Variants in KIF21A observed in about 807,000 individuals in gnomAD.
The protein encoded by KIF21A is kinesin-like protein KIF21A.
Under a neutral mutation model 202.9 loss-of-function variants are expected in KIF21A, and 114 were observed. The ratio of observed to expected loss-of-function variants is 0.56; its 90% CI spans 0.48 to 0.66. The LOEUF is 0.66. Among genes scored for constraint, KIF21A ranks in the 30% least tolerant of loss-of-function variants. The probability of loss-of-function intolerance (pLI) is 0.00; values close to 1 mark genes in which losing one functional copy is unlikely to be tolerated. For synonymous variants in KIF21A, 667 were observed against 670.8 expected (o/e 0.99, Z 0.09); for missense variants, 1,677 against 1,994.9 (o/e 0.84, Z 3.04).
chr12:39,415,429 A>C (rs1321837399), intron 1 of KIF21A, among the ~76,000 whole-genome samples: 1 of 151,594 alleles, frequency 6.6e-6, no homozygotes, highest in Non-Finnish European at 1.5e-5. Flanking sequence ...TTTAATAGAG[A>C]CGGGGTTTCA....
chr12:39,442,148 C>T lies in KIF21A; in HGVS notation c.44+779G>A, dbSNP rs1236355938. 6.6e-6 allele frequency among the ~76,000 whole-genome samples: 1 copy of T among 152,182 alleles called. No individual in the cohort carries two copies. The highest frequency in any genetic ancestry group is 1.5e-5 in the Non-Finnish European group (1 of 68,028). The stretch of plus-strand genomic sequence containing the variant: ...TGTACCTAGTATTTCCAGACTCACA[C>T]CCTGGCCTGGGTAACGTTACGATTA... On this transcript the variant is annotated intron_variant, in intron 1 of 37. Transcript: ENST00000361418. This position sits in a 1 kb window ranked among gnomAD's most constrained non-coding sequence, Gnocchi z 5.0.
chr12:39,432,709 C>T (rs1938120030), intron 1 of KIF21A, among the ~76,000 whole-genome samples: 2 of 151,946 alleles, frequency 1.3e-5, no homozygotes, highest in African/African-American at 2.4e-5. Flanking sequence ...CTCCCGAGTT[C>T]AAGTGATTCT....
chr12:39,326,839 G>T (rs574157298), intron 24 of KIF21A, among the ~76,000 whole-genome samples: 1 of 152,276 alleles, frequency 6.6e-6, no homozygotes, highest in African/African-American at 2.4e-5. Context: ...AGGTGTGCAT[G>T]AGGGTGTTCA....
intron 16 of KIF21A, among the ~76,000 whole-genome samples, chr12:39,339,570 T>C (rs932125203): frequency 6.6e-6 from 1 of 152,180 alleles, no homozygotes; most frequent in Admixed American, 6.5e-5. Flanking sequence ...ACTTCCATAT[T>C]TGCTATTTTA....
intron 1 of KIF21A, among the ~76,000 whole-genome samples, chr12:39,416,954 T>C (rs1039200732): frequency 6.6e-6 from 1 of 151,168 alleles, no homozygotes; most frequent in Non-Finnish European, 1.5e-5. Flanking sequence ...CCTTGAGGAT[T>C]CACTCTCTAA....
chr12:39,328,508 C>T (rs1224355139), intron 24 of KIF21A, among the ~76,000 whole-genome samples: 1 of 152,104 alleles, frequency 6.6e-6, no homozygotes, highest in African/African-American at 2.4e-5. Flanking sequence ...TATGCTAAGC[C>T]CTCTGAGTCT....
At chr12:39,346,394 A>G in intron 12 of KIF21A, 72 bp downstream of exon 12, 1 of 1,130,900 alleles carries the variant, frequency 8.8e-7, no homozygotes. Context: ...TAATACTATA[A>G]CACATTTCCT....
At chr12:39,425,956 G>C (rs1490950154) in intron 1 of KIF21A, among the ~76,000 whole-genome samples, 1 of 149,074 alleles carries the variant, frequency 6.7e-6, no homozygotes, top group Non-Finnish European at 1.5e-5. Context: ...AAAAAAAATG[G>C]AGCTGTCAAG....
Position 39,332,647 on chromosome 12 carries a change from T to C in KIF21A, c.2800A>G (p.Ile934Val), listed in dbSNP as rs751455734. Residue 934 changes from isoleucine to valine, a missense_variant, in exon 20 of 38, where the codon ATC (isoleucine) becomes GTC (valine). Ile to Val is a conservative substitution (Grantham distance 29). Transcript: ENST00000361418. ...TTGGAAATGGTCATCTTCTGCATGATGATGTCTGTGACCCTGCGCTCAAGG... is the reference window on the plus strand; with the variant it reads ...TTGGAAATGGTCATCTTCTGCATGACGATGTCTGTGACCCTGCGCTCAAGG... ...QLLERRVTDI[I>V]MQKMTISNME... is the part of the protein sequence containing the mutation. 2 of 1,613,970 alleles carry C rather than the reference T, an allele frequency of 1.2e-6. No individual in the cohort carries two copies. The highest frequency in any genetic ancestry group is 1.7e-6 in the Non-Finnish European group (2 of 1,179,864).
chr12:39,324,620 C>T (rs1945661964), intron 26 of KIF21A, among the ~76,000 whole-genome samples: 1 of 152,100 alleles, frequency 6.6e-6, no homozygotes, highest in Non-Finnish European at 1.5e-5. Flanking sequence ...TGTAAAAATC[C>T]GTATTTAAGA....
At position 39,310,631 on chromosome 12, in the gene KIF21A, G is replaced by A. The variant is rs964438254; in HGVS notation, c.4096+786C>T. Among the ~76,000 whole-genome samples, 5 of 151,958 alleles carry A rather than the reference G, an allele frequency of 3.3e-5. No individual in the cohort carries two copies. The East Asian group carries it at 9.6e-4, about 29-fold the overall frequency. On this transcript the variant is annotated intron_variant, in intron 32 of 37. Coordinates refer to ENST00000361418, the MANE Select transcript of KIF21A (RefSeq NM_001173464.2). ...CTTTTATCTTCATGTCTCTGCTTATGTTATTCTGTAATCTTGATTATTCAT... is the reference window on the plus strand; with the variant it reads ...CTTTTATCTTCATGTCTCTGCTTATATTATTCTGTAATCTTGATTATTCAT...
At chr12:39,320,797 T>C (rs1163960414) in intron 27 of KIF21A, among the ~76,000 whole-genome samples, 1 of 151,480 alleles carries the variant, frequency 6.6e-6, no homozygotes, top group Non-Finnish European at 1.5e-5. Context: ...TAGCTGAGTG[T>C]GGTGGCGGGC....
chr12:39,340,116 A>G (rs932294214), intron 16 of KIF21A, 49 bp downstream of exon 16: 1 of 1,450,526 alleles, frequency 6.9e-7, no homozygotes, highest in African/African-American at 1.4e-5. Context: ...GTCCCAAATG[A>G]CAAAATCATA....
At chr12:39,410,798 T>TA (rs1953021299) in intron 1 of KIF21A, among the ~76,000 whole-genome samples, 1 of 152,154 alleles carries the variant, frequency 6.6e-6, no homozygotes, top group Non-Finnish European at 1.5e-5. Context: ...TAATAAATTT[T>TA]AAAAAACAAC....
Position 39,438,618 on chromosome 12 carries a change from C to T in KIF21A, c.44+4309G>A, listed in dbSNP as rs533358838. Among the ~76,000 whole-genome samples, 4 of 152,256 alleles carry T rather than the reference C, an allele frequency of 2.6e-5. No homozygotes were observed. In the South Asian group the frequency reaches 8.3e-4, roughly 32 times the overall value. ...CTGAAACATAAATTAGACCACATTA[C>T]ACACTAATCCAAACTCACTGTCAAG... On this transcript the variant is annotated intron_variant, in intron 1 of 37. Transcript: ENST00000361418.
At chr12:39,317,311 A>C (rs1192208421) in intron 29 of KIF21A, among the ~76,000 whole-genome samples, 4 of 152,152 alleles carry the variant, frequency 2.6e-5, no homozygotes, top group Non-Finnish European at 5.9e-5. Context: ...TAAATTTTAG[A>C]GATTATTGAT....
intron 6 of KIF21A, 22 bp downstream of exon 6, chr12:39,366,328 C>T: frequency 6.2e-7 from 1 of 1,606,804 alleles, no homozygotes; most frequent in Non-Finnish European, 8.5e-7. Flanking sequence ...GATATATTCT[C>T]AGCACAAAGC....
At chr12:39,345,059 C>T (rs1282530386) in intron 12 of KIF21A, among the ~76,000 whole-genome samples, 1 of 152,154 alleles carries the variant, frequency 6.6e-6, no homozygotes, top group East Asian at 1.9e-4. Context: ...TCAGGCTCCA[C>T]CTCAGTCCTA....
At chr12:39,435,411 C>A (rs1373859701) in intron 1 of KIF21A, among the ~76,000 whole-genome samples, 4 of 152,134 alleles carry the variant, frequency 2.6e-5, no homozygotes, top group African/African-American at 9.7e-5. Context: ...AGGTCTAAGA[C>A]CCCAAATGGC....
Sources: allele counts gnomAD v4.1 joint callset (sites outside exome capture counted in the v4.1 genomes callset), GRCh38; gene constraint gnomAD v4.1.1; non-coding constraint Gnocchi (gnomAD v3.1); transcripts MANE v1.5; gene names NCBI Gene and HGNC (gene_info 2026-07-23, HGNC 2026-07-21).